MYO9B: variants seen among roughly 807,000 people sequenced by gnomAD.
The protein encoded by MYO9B is myosin IXB.
A neutral mutation model predicts 229.5 loss-of-function variants in MYO9B; 71 were observed. The ratio of observed to expected loss-of-function variants is 0.31; its 90% CI spans 0.26 to 0.38. The LOEUF (loss-of-function observed/expected upper bound fraction) is 0.38. Ranked by LOEUF, MYO9B falls within the 10% of genes least tolerant of loss-of-function variation. The pLI is 1.00. For missense variants in MYO9B, 2,255 were observed against 2,920.5 expected (o/e 0.77, Z 5.25); for synonymous variants, 1,185 against 1,235.8 (o/e 0.96, Z 0.86).
intron 11 of MYO9B, among the ~76,000 whole-genome samples, chr19:17,168,485 C>T (rs897319405): frequency 6.6e-6 from 1 of 152,174 alleles, no homozygotes; most frequent in African/African-American, 2.4e-5. Flanking sequence ...GAACTTGTGT[C>T]TGTTCATTTC....
At chr19:17,141,029 A>G (rs1165971581) in intron 2 of MYO9B, among the ~76,000 whole-genome samples, 2 of 150,660 alleles carry the variant, frequency 1.3e-5, no homozygotes, top group African/African-American at 2.4e-5. Context: ...ACTTGAACCC[A>G]GGAGGTGGAG....
intron 14 of MYO9B, 21 bp from the exon 15 acceptor site, chr19:17,180,906 C>T: frequency 6.5e-7 from 1 of 1,533,898 alleles, no homozygotes; most frequent in Non-Finnish European, 9.0e-7. Flanking sequence ...GTCACTGCGC[C>T]CCCTCCACCC....
chr19:17,087,563 C>T (rs1335348819), intron 1 of MYO9B, among the ~76,000 whole-genome samples: 1 of 152,162 alleles, frequency 6.6e-6, no homozygotes, highest in African/African-American at 2.4e-5. Context: ...CTGCACTGGG[C>T]AACTGGATTC....
intron 14 of MYO9B, 196 bp from the exon 15 acceptor site, chr19:17,180,731 G>A: frequency 1.9e-6 from 1 of 538,090 alleles, no homozygotes; most frequent in East Asian, 3.3e-5. Context: ...TCCAGGGCTT[G>A]GGGAGGCTGG....
chr19:17,083,562 A>T (rs540850575), intron 1 of MYO9B, among the ~76,000 whole-genome samples: 1 of 152,118 alleles, frequency 6.6e-6, no homozygotes, highest in African/African-American at 2.4e-5. Flanking sequence ...TGGGTGAGAA[A>T]CACTAGTTCC....
intron 1 of MYO9B, among the ~76,000 whole-genome samples, chr19:17,088,888 T>G (rs2057610085): frequency 6.6e-6 from 1 of 151,834 alleles, no homozygotes; most frequent in Admixed American, 6.6e-5. Flanking sequence ...TGGGGGGTCT[T>G]TCTTTGTTGC....
intron 10 of MYO9B, among the ~76,000 whole-genome samples, chr19:17,167,498 G>C (rs942986770): frequency 8.4e-5 from 12 of 142,622 alleles, no homozygotes; most frequent in Non-Finnish European, 1.4e-4. Context: ...TTTTTGTGAC[G>C]GAGTTTCGCT....
At chr19:17,172,000 C>T (rs79454949) in intron 11 of MYO9B, among the ~76,000 whole-genome samples, 1 of 152,126 alleles carries the variant, frequency 6.6e-6, no homozygotes, top group Non-Finnish European at 1.5e-5. Flanking sequence ...CACCCTCAGC[C>T]TCCTTGTACC....
chr19:17,095,898 G>A (rs1195524647), intron 1 of MYO9B: 2 of 152,134 alleles, frequency 1.3e-5, no homozygotes, highest in South Asian at 2.1e-4. Flanking sequence ...AAGTAGCTGG[G>A]ACTACATGCG....
At chr19:17,080,555 C>T (rs1038824452) in intron 1 of MYO9B, among the ~76,000 whole-genome samples, 5 of 152,038 alleles carry the variant, frequency 3.3e-5, no homozygotes, top group Non-Finnish European at 7.4e-5. Context: ...ATCATTTTAA[C>T]TGAATCATCC....
intron 1 of MYO9B, among the ~76,000 whole-genome samples, chr19:17,081,654 C>T (rs1600011847): frequency 6.6e-6 from 1 of 151,834 alleles, no homozygotes. Context: ...ACTAAAAATA[C>T]AAAAATTAGC....
In MYO9B at chr19:17,206,713, C is replaced by G; in HGVS notation, c.5421C>G (p.Ile1807Met). The change falls in exon 34 of 40, where the codon ATC (isoleucine) becomes ATG (methionine). Residue 1807 changes from isoleucine to methionine, a missense_variant. Physicochemically the swap from Ile to Met is conservative, Grantham distance 10 (BLOSUM62 1). Around this residue, in one of 7 missense-constraint regions of MYO9B, gnomAD observed 416 missense variants for 605.5 expected, o/e 0.69. Coordinates refer to ENST00000682292, the MANE Select transcript of MYO9B (RefSeq NM_004145.4). ...LPEKQEQLAA[I>M]YAVLEHLPEA... is the part of the protein sequence containing the mutation. Reference sequence around the variant, plus strand: ...AGAAGCAGGAGCAGCTGGCTGCCATCTATGCCGTCCTGGAGCACCTTCCAG... The same window carrying G: ...AGAAGCAGGAGCAGCTGGCTGCCATGTATGCCGTCCTGGAGCACCTTCCAG... The G allele has an allele frequency of 6.3e-7, 1 of 1,586,772 alleles. No individual in the cohort carries two copies. The highest frequency in any genetic ancestry group is 1.2e-5 in the South Asian group (1 of 86,524).
chr19:17,092,146 C>G (rs1484836836), intron 1 of MYO9B, among the ~76,000 whole-genome samples: 1 of 152,246 alleles, frequency 6.6e-6, no homozygotes, highest in African/African-American at 2.4e-5. Context: ...AAGAGCCCAT[C>G]CTTGGGTTCT....
At position 17,201,870 on chromosome 19, in the gene MYO9B, G is replaced by A. The variant is rs138701398; in HGVS notation, c.4564-56G>A. On this transcript the variant is annotated intron_variant, in intron 26 of 39. Transcript: ENST00000682292. ...GAAGTGACCCCTTGGGCACCTCCTCGGGTACGCAGGTCCCCAGGCCTGAGG... is the reference window on the plus strand; with the variant it reads ...GAAGTGACCCCTTGGGCACCTCCTCAGGTACGCAGGTCCCCAGGCCTGAGG... 1.4e-3 allele frequency: 1,942 copies of A among 1,344,388 alleles called. 19 individuals carry two copies. In the African/African-American group the frequency reaches 0.025, roughly 17 times the overall value. The allele number at this position is 1,344,388 out of a possible 1,614,324, so 83.3% of individuals were successfully genotyped here. A position where few individuals can be genotyped will look rare whatever the true frequency, so the allele number is the denominator to read the frequency against.
chr19:17,211,902 T>G lies in MYO9B; in HGVS notation c.6066T>G (p.Pro2022=). 1 of 1,580,984 alleles carries G rather than the reference T, an allele frequency of 6.3e-7. No individual in the cohort carries two copies. Among genetic ancestry groups the G allele is most frequent in the Non-Finnish European group, 8.6e-7 (1 of 1,161,846 alleles). ...RAGRGASEGP[P]APALPCPGAP... The stretch of plus-strand genomic sequence containing the variant: ...CCATCTGTCTCTCAAAAGGGCCCCC[T>G]GCGCCTGCTCTCCCTTGCCCCGGCG... Residue 2022 remains proline, a synonymous_variant, in exon 40 of 40, where the codon CCT becomes CCG. Transcript: ENST00000682292.
In MYO9B at chr19:17,195,020, GAGA is replaced by G. The variant is rs1260863166; in HGVS notation, c.3597_3599del (p.Glu1199del). The G allele has an allele frequency of 1.9e-6, 3 of 1,613,180 alleles. No homozygotes were observed. The highest frequency in any genetic ancestry group is 2.5e-6 in the Non-Finnish European group (3 of 1,179,884). On this transcript the variant is annotated inframe_deletion, in exon 22 of 40. Transcript: ENST00000682292. This position sits in a 1 kb window ranked among gnomAD's most constrained non-coding sequence, Gnocchi z 4.5. ...CTCCTGGAAGACAAAAAGGAGAGCAGAGAAGATGAAACCCTTCTAGTCGTAGAG... is the reference window on the plus strand; with the variant it reads ...CTCCTGGAAGACAAAAAGGAGAGCAGAGATGAAACCCTTCTAGTCGTAGAG...
Position 17,212,095 on chromosome 19 carries a change from G to A in MYO9B, c.6259G>A (p.Ala2087Thr). 1.3e-6 allele frequency: 2 copies of A among 1,589,904 alleles called. No homozygotes were observed. The highest frequency in any genetic ancestry group is 8.5e-7 in the Non-Finnish European group (1 of 1,170,586). ...PSHLPRWAPG[A>T]REAAAPVRRR... ...CCACCTGCCTCGCTGGGCACCGGGT[G>A]CCCGGGAGGCGGCTGCCCCAGTGCG... The change falls in exon 40 of 40, where the codon GCC (alanine) becomes ACC (threonine). Residue 2087 changes from alanine (A) to threonine (T), a missense_variant. Transcript: ENST00000682292. This position sits in a 1 kb window ranked among gnomAD's most constrained non-coding sequence, Gnocchi z 5.4.
In MYO9B at chr19:17,140,855, C is replaced by G. The variant is rs945554741; in HGVS notation, c.841-4542C>G. On this transcript the variant is annotated intron_variant, in intron 2 of 39. Transcript: ENST00000682292. Reference sequence around the variant, plus strand: ...TGGTGACTCAAGCCTGTAATCCCAGCACTTTGGGAGGCCGAGGCAAGGAGA... The same window carrying G: ...TGGTGACTCAAGCCTGTAATCCCAGGACTTTGGGAGGCCGAGGCAAGGAGA... 2.6e-4 allele frequency among the ~76,000 whole-genome samples: 39 copies of G among 151,070 alleles called. 1 individual carries two copies. The highest frequency in any genetic ancestry group is 7.3e-4 in the African/African-American group (30 of 41,350).
In MYO9B at chr19:17,172,511, T is replaced by C. The variant is rs954710197; in HGVS notation, c.1935+34T>C. 3 of 1,609,386 alleles carry C rather than the reference T, an allele frequency of 1.9e-6. No individual in the cohort carries two copies. The highest frequency in any genetic ancestry group is 1.7e-5 in the Admixed American group (1 of 59,370). On this transcript the variant is annotated intron_variant, in intron 12 of 39. Transcript: ENST00000682292. This position sits in a 1 kb window ranked among gnomAD's most constrained non-coding sequence, Gnocchi z 8.2. ...CTGCCCATCACCACTGGTGGAAGCC[T>C]GAGGGAAGCCACAGTCAGCCCAGAA...
Sources: allele counts gnomAD v4.1 joint callset (sites outside exome capture counted in the v4.1 genomes callset), GRCh38; gene constraint gnomAD v4.1.1; regional missense constraint gnomAD v4.1.1; non-coding constraint Gnocchi (gnomAD v3.1); transcripts MANE v1.5; gene names NCBI Gene and HGNC (gene_info 2026-07-23, HGNC 2026-07-21).